Variants in RYR2 observed in about 807,000 individuals in gnomAD.
RYR2 encodes ryanodine receptor 2.
In RYR2, 227 loss-of-function variants were observed where a neutral mutation model predicts 601.1. That is an observed-to-expected ratio of 0.38 (90% CI 0.34 to 0.42). RYR2 has a LOEUF of 0.42. RYR2 is among the 10% of genes least tolerant of loss of function. RYR2 has a pLI of 1.00. For missense variants in RYR2, 4,646 were observed against 6,156.5 expected (o/e 0.75, Z 8.21); for synonymous variants, 2,223 against 2,175.1 (o/e 1.02, Z -0.61).
chr1:237,476,248 G>A (rs960749283), intron 17 of RYR2, among the ~76,000 whole-genome samples: 2 of 152,122 alleles, frequency 1.3e-5, no homozygotes, highest in Non-Finnish European at 2.9e-5. Flanking sequence ...GGTGGCTCAT[G>A]CCTGTAATCC....
intron 2 of RYR2, among the ~76,000 whole-genome samples, chr1:237,320,526 A>G (rs993819746): frequency 2.6e-5 from 4 of 152,330 alleles, no homozygotes; most frequent in Non-Finnish European, 5.9e-5. Context: ...AAGTACCTCC[A>G]GATCACCTGC....
chr1:237,329,111 T>G (rs1696455360), intron 2 of RYR2, among the ~76,000 whole-genome samples: 2 of 152,220 alleles, frequency 1.3e-5, no homozygotes, highest in Admixed American at 1.3e-4. Flanking sequence ...AACATTTCCA[T>G]AAACTGAAAG....
chr1:237,170,831 G>C (rs1227071369), intron 1 of RYR2, among the ~76,000 whole-genome samples: 1 of 152,148 alleles, frequency 6.6e-6, no homozygotes, highest in Non-Finnish European at 1.5e-5. Flanking sequence ...CAGAATATGT[G>C]TAGGTGTAGG....
At chr1:237,320,126 T>C (rs2149521909) in intron 2 of RYR2, among the ~76,000 whole-genome samples, 1 of 152,366 alleles carries the variant, frequency 6.6e-6, no homozygotes, top group African/African-American at 2.4e-5. Context: ...TATTTTTGTA[T>C]GCCTTTGGTT....
At chr1:237,326,206 A>AT (rs928334430) in intron 2 of RYR2, among the ~76,000 whole-genome samples, 10 of 151,672 alleles carry the variant, frequency 6.6e-5, no homozygotes, top group Admixed American at 3.9e-4. Context: ...TATTCTTGAG[A>AT]TTTTTTTCCC....
rs369885536 is a variant in RYR2 at position 237,631,557 on chromosome 1, C to T, written c.6555+16C>T. On this transcript the variant is annotated intron_variant, in intron 42 of 104. Transcript: ENST00000366574. ...AGAGTCCAAGGTAACGTCTTTGATTCCTGAGATGCTATTTAGTATCATCTC... is the reference window on the plus strand; with the variant it reads ...AGAGTCCAAGGTAACGTCTTTGATTTCTGAGATGCTATTTAGTATCATCTC... 2 of 1,433,300 alleles carry T rather than the reference C, an allele frequency of 1.4e-6. No individual in the cohort carries two copies. The highest frequency in any genetic ancestry group is 3.0e-5 in the African/African-American group (2 of 66,716). 88.8% of individuals were successfully genotyped at this position (1,433,300 alleles called of 1,614,324 possible).
At chr1:237,221,630 G>A (rs186201114) in intron 1 of RYR2, among the ~76,000 whole-genome samples, 7 of 152,284 alleles carry the variant, frequency 4.6e-5, no homozygotes, top group Admixed American at 2.6e-4. Flanking sequence ...AAGAAAAATT[G>A]TTTCACCATT....
chr1:237,788,143 G>A lies in RYR2; in HGVS notation c.13476+8G>A. On this transcript the variant is annotated splice_region_variant and intron_variant, in intron 92 of 104. Transcript: ENST00000366574. The stretch of plus-strand genomic sequence containing the variant: ...TATCAACAGAAACTTCTAGTAAGAT[G>A]TTTTAGAATGAATATTGTTACTGAT... 1 of 1,602,228 alleles carries A rather than the reference G, an allele frequency of 6.2e-7. No homozygotes were observed. Among genetic ancestry groups the A allele is most frequent in the Non-Finnish European group, 8.5e-7 (1 of 1,172,154 alleles).
At chr1:237,655,759 T>G in intron 52 of RYR2, 62 bp from the exon 53 acceptor site, 1 of 1,467,170 alleles carries the variant, frequency 6.8e-7, no homozygotes, top group Non-Finnish European at 9.2e-7. Context: ...TCAGCCCTGA[T>G]GATCATGCTG....
chr1:237,590,551 C>T, intron 30 of RYR2, 89 bp from the exon 31 acceptor site: 1 of 1,103,530 alleles, frequency 9.1e-7, no homozygotes, highest in Non-Finnish European at 1.3e-6. Context: ...ATTTGGGATT[C>T]TGAAAACGTG....
intron 102 of RYR2, 51 bp downstream of exon 102, chr1:237,828,496 T>G: frequency 8.4e-7 from 1 of 1,187,214 alleles, no homozygotes; most frequent in Non-Finnish European, 1.2e-6. Flanking sequence ...GGGCCCTCGT[T>G]TTCCTCACTA....
chr1:237,692,037 A>G (rs541882449), intron 63 of RYR2, among the ~76,000 whole-genome samples: 38 of 152,322 alleles, frequency 2.5e-4, no homozygotes, highest in African/African-American at 8.4e-4. Context: ...ACAGTCTGTT[A>G]GAATCTTTCA....
At chr1:237,307,293 G>A (rs975939596) in intron 2 of RYR2, among the ~76,000 whole-genome samples, 16 of 152,196 alleles carry the variant, frequency 1.1e-4, no homozygotes, top group Admixed American at 9.2e-4. Flanking sequence ...TAGCTGCTGA[G>A]TAGCAGAACC....
chr1:237,722,724 T>C (rs755487973), intron 73 of RYR2, among the ~76,000 whole-genome samples: 16 of 152,308 alleles, frequency 1.1e-4, no homozygotes, highest in Non-Finnish European at 1.6e-4. Flanking sequence ...TGAGCCACCG[T>C]GCCTGGCCAA....
intron 88 of RYR2, among the ~76,000 whole-genome samples, chr1:237,779,179 A>G (rs1049570290): frequency 7.9e-5 from 12 of 152,134 alleles, no homozygotes; most frequent in Admixed American, 2.0e-4. Flanking sequence ...ACAGGGTCTT[A>G]AACAAGCAGA....
In RYR2 at chr1:237,795,903, TACAC is replaced by T. The variant is rs534057045; in HGVS notation, c.13956+578_13956+581del. On this transcript the variant is annotated intron_variant, in intron 96 of 104. Coordinates refer to ENST00000366574, the MANE Select transcript of RYR2 (RefSeq NM_001035.3). ...ATATATATATACACACATATATGGA[TACAC>T]ACACATATGCACGCGTATGTGTGTA... Among the ~76,000 whole-genome samples, 242 of 131,032 alleles carry T rather than the reference TACAC, an allele frequency of 1.8e-3. 1 individual carries two copies. Among genetic ancestry groups the T allele is most frequent in the African/African-American group, 6.3e-3 (230 of 36,544 alleles). The allele number at this position is 131,032 out of a possible 152,430, so 86.0% of individuals were successfully genotyped here.
At chr1:237,240,862 T>C (rs1237211313) in intron 1 of RYR2, among the ~76,000 whole-genome samples, 1 of 152,136 alleles carries the variant, frequency 6.6e-6, no homozygotes, top group African/African-American at 2.4e-5. Flanking sequence ...AAACATTTCA[T>C]TTTATATATA....
chr1:237,612,285 A>G (rs1677963478), intron 36 of RYR2, among the ~76,000 whole-genome samples: 1 of 152,172 alleles, frequency 6.6e-6, no homozygotes, highest in African/African-American at 2.4e-5. Context: ...CTAGGAGCGG[A>G]ACAGGACTGC....
At position 237,382,802 on chromosome 1, in the gene RYR2, C is replaced by A. The variant is rs142223296; in HGVS notation, c.577-4479C>A. 3.4e-3 allele frequency among the ~76,000 whole-genome samples: 520 copies of A among 152,084 alleles called. 7 individuals carry two copies. Among genetic ancestry groups the A allele is most frequent in the African/African-American group, 0.012 (484 of 41,484 alleles). ...AAGTGATTTATTATATGAACCAATT[C>A]ATTTTTGATTAATTTGCTGTGAGCC... is the stretch of plus-strand genomic sequence containing the variant. On this transcript the variant is annotated intron_variant, in intron 8 of 104. Transcript: ENST00000366574.
Sources: gnomAD v4.1 joint callset for allele counts (sites outside exome capture counted in the v4.1 genomes callset) on GRCh38, gnomAD v4.1.1 for gene constraint, MANE v1.5 for transcripts, NCBI Gene and HGNC (gene_info 2026-07-23, HGNC 2026-07-21) for gene names.